Variants in STX5 observed in about 807,000 individuals in gnomAD.
STX5 encodes the protein syntaxin-5.
STX5 carries 15 observed loss-of-function variants against 42.9 expected under a neutral mutation model. The ratio of observed to expected loss-of-function variants is 0.35; its 90% CI spans 0.23 to 0.54. The LOEUF (loss-of-function observed/expected upper bound fraction) is 0.54, where lower values mean the gene tolerates loss of function less well. STX5 is among the 20% of genes least tolerant of loss of function. The probability of loss-of-function intolerance (pLI) is 0.91; values close to 1 mark genes in which losing one functional copy is unlikely to be tolerated. For synonymous variants in STX5, 184 were observed against 173.2 expected (o/e 1.06, Z -0.49); for missense variants, 430 against 455.0 (o/e 0.95, Z 0.50).
In STX5 at chr11:62,831,014, C is replaced by T; in HGVS notation, c.225+5G>A. On this transcript the variant is annotated splice_donor_5th_base_variant and intron_variant, in intron 2 of 10. Coordinates refer to ENST00000294179, the MANE Select transcript of STX5 (RefSeq NM_003164.5). ...CTCCTCGCCTTTTCCACTCCAGGTC[C>T]TTACCTGACGGGTCTGCAGCGACTT... 1 of 1,549,766 alleles carries T rather than the reference C, an allele frequency of 6.5e-7. No homozygotes were observed. Among genetic ancestry groups the T allele is most frequent in the Non-Finnish European group, 8.7e-7 (1 of 1,146,846 alleles).
intron 2 of STX5, 127 bp downstream of exon 2, chr11:62,830,892 G>A: frequency 1.1e-6 from 1 of 897,916 alleles, no homozygotes; most frequent in Non-Finnish European, 1.8e-6. Context: ...GACCCTACAG[G>A]CCCCATCCAA....
intron 1 of STX5, 109 bp downstream of exon 1, chr11:62,831,845 A>C (rs2084872025): frequency 4.4e-6 from 2 of 453,338 alleles, no homozygotes; most frequent in African/African-American, 2.0e-5. Flanking sequence ...GGCCGGCAGG[A>C]CTTGCCCGCT....
intron 2 of STX5, 62 bp downstream of exon 2, chr11:62,830,957 G>C: frequency 2.1e-6 from 3 of 1,436,168 alleles, no homozygotes; most frequent in Non-Finnish European, 2.9e-6. Flanking sequence ...CAGTGGTGGA[G>C]CACAGTCCTT....
intron 10 of STX5, among the ~76,000 whole-genome samples, chr11:62,808,981 A>C (rs2084584691): frequency 6.6e-6 from 1 of 152,108 alleles, no homozygotes; most frequent in Non-Finnish European, 1.5e-5. Flanking sequence ...AAAAGATAAA[A>C]ACTTTTGTTT....
intron 2 of STX5, among the ~76,000 whole-genome samples, chr11:62,829,061 AAAACAAACAAAC>A (rs199811303): frequency 3.3e-5 from 5 of 150,926 alleles, no homozygotes; most frequent in South Asian, 2.1e-4. Flanking sequence ...GACTGTCTCA[AAAACAAACAAAC>A]AAACAAACAA....
At chr11:62,813,627 T>C (rs1387826632) in intron 10 of STX5, among the ~76,000 whole-genome samples, 3 of 152,078 alleles carry the variant, frequency 2.0e-5, no homozygotes, top group African/African-American at 7.2e-5. Flanking sequence ...CAACGTAGAG[T>C]AAAAGCACTC....
intron 2 of STX5, among the ~76,000 whole-genome samples, chr11:62,830,157 T>C (rs1473130785): frequency 1.4e-5 from 2 of 146,168 alleles, no homozygotes; most frequent in African/African-American, 2.5e-5. Context: ...TGCCACCACG[T>C]CCAGCTTTTT....
intron 10 of STX5, among the ~76,000 whole-genome samples, chr11:62,813,357 G>A (rs2084639410): frequency 6.6e-6 from 1 of 152,138 alleles, no homozygotes; most frequent in Non-Finnish European, 1.5e-5. Context: ...TAAATGGCTG[G>A]TGCTCAACAT....
chr11:62,831,376 G>A, intron 1 of STX5, 114 bp from the exon 2 acceptor site: 1 of 802,830 alleles, frequency 1.2e-6, no homozygotes, highest in Non-Finnish European at 2.1e-6. Context: ...GGACTTTCGC[G>A]CCCAGGACGC....
At chr11:62,815,575 C>T (rs1159064978) in intron 10 of STX5, among the ~76,000 whole-genome samples, 1 of 149,952 alleles carries the variant, frequency 6.7e-6, no homozygotes, top group Non-Finnish European at 1.5e-5. Flanking sequence ...CTCGCTCTGT[C>T]GCCCAGGCTG....
At chr11:62,821,389 C>T (rs917911670) in intron 10 of STX5, among the ~76,000 whole-genome samples, 1 of 152,090 alleles carries the variant, frequency 6.6e-6, no homozygotes, top group Non-Finnish European at 1.5e-5. Flanking sequence ...TATCTATGTA[C>T]TTTACAAATC....
intron 10 of STX5, among the ~76,000 whole-genome samples, chr11:62,812,078 T>A (rs1417449651): frequency 6.7e-6 from 1 of 148,856 alleles, no homozygotes; most frequent in Non-Finnish European, 1.5e-5. Context: ...AATACCTTTT[T>A]TTTTTTTTTT....
intron 10 of STX5, among the ~76,000 whole-genome samples, chr11:62,821,201 G>A (rs1224712375): frequency 5.9e-5 from 9 of 151,840 alleles, no homozygotes; most frequent in African/African-American, 1.9e-4. Context: ...CCAACTACTC[G>A]GGAGGCTCAG....
In STX5 at chr11:62,825,051, C is replaced by T; in HGVS notation, c.664G>A (p.Ala222Thr). The T allele has an allele frequency of 3.7e-6, 6 of 1,613,978 alleles. No homozygotes were observed. Among genetic ancestry groups the T allele is most frequent in the Non-Finnish European group, 5.1e-6 (6 of 1,180,030 alleles). Reference protein sequence around the residue: ...SRAPVSALPLAPNHLGGGAVV... With the variant: ...SRAPVSALPLTPNHLGGGAVV... ...TGTGACTTACCCAGGTGGTTAGGGG[C>T]AAGGGGCAGGGCTGACACAGGTGCC... The change falls in exon 8 of 11, where the codon GCC (alanine) becomes ACC (threonine). Residue 222 changes from alanine (A) to threonine (T), a missense_variant. Ala to Thr is a moderately conservative substitution (Grantham distance 58). Transcript: ENST00000294179.
chr11:62,807,505 A>G lies in STX5; in HGVS notation c.1032T>C (p.Ile344=). ...AGACCACAAAGATGATGAAGAAGAC[A>G]ATGAGGATGAGGAAGATTTTGACCA... ...WLMVKIFLIL[I]VFFIIFVVFL... is the part of the protein sequence containing the mutation. Residue 344 remains isoleucine, a synonymous_variant, in exon 11 of 11, where the codon ATT becomes ATC. Coordinates refer to ENST00000294179, the MANE Select transcript of STX5 (RefSeq NM_003164.5). The G allele has an allele frequency of 6.2e-7, 1 of 1,614,084 alleles. No homozygotes were observed. The highest frequency in any genetic ancestry group is 8.5e-7 in the Non-Finnish European group (1 of 1,180,008).
chr11:62,817,792 A>G (rs2084691426), intron 10 of STX5, among the ~76,000 whole-genome samples: 1 of 152,202 alleles, frequency 6.6e-6, no homozygotes, highest in Non-Finnish European at 1.5e-5. Context: ...AATTCACCAA[A>G]TGGGCTTAAC....
rs57390432 is a variant in STX5, at chr11:62,819,220, G to GAAAAAA, written c.908+4940_908+4945dup. Among the ~76,000 whole-genome samples, 14 of 29,642 alleles carry GAAAAAA rather than the reference G, an allele frequency of 4.7e-4. 1 individual carries two copies. Among genetic ancestry groups the GAAAAAA allele is most frequent in the Non-Finnish European group, 7.5e-4 (14 of 18,682 alleles). The allele number at this position is 29,642 out of a possible 152,430, so 19.4% of individuals were successfully genotyped here. Reference sequence around the variant, plus strand: ...TGGGCAACAGAGTGAGACTCTGTCTGAAAAAAAAAAAAAAAAAAAAAAAAA... The same window carrying GAAAAAA: ...TGGGCAACAGAGTGAGACTCTGTCTGAAAAAAAAAAAAAAAAAAAAAAAAAAAAAAA... On this transcript the variant is annotated intron_variant, in intron 10 of 10. Transcript: ENST00000294179.
At chr11:62,827,312 C>T (rs1292466072) in intron 4 of STX5, 31 bp downstream of exon 4, 1 of 1,614,126 alleles carries the variant, frequency 6.2e-7, no homozygotes, top group Admixed American at 1.7e-5. Context: ...GATTTACTGC[C>T]CCACTTCTGA....
At chr11:62,818,168 C>G (rs1228329829) in intron 10 of STX5, among the ~76,000 whole-genome samples, 1 of 150,112 alleles carries the variant, frequency 6.7e-6, no homozygotes, top group East Asian at 2.0e-4. Flanking sequence ...TCACTTGAAT[C>G]CAGGAGGCAG....
Sources: allele counts gnomAD v4.1 joint callset (sites outside exome capture counted in the v4.1 genomes callset), GRCh38; gene constraint gnomAD v4.1.1; transcripts MANE v1.5; gene names NCBI Gene and HGNC (gene_info 2026-07-23, HGNC 2026-07-21).